CLVS1: variants seen among roughly 807,000 people sequenced by gnomAD.
CLVS1 encodes clavesin-1.
In CLVS1, 10 loss-of-function variants were observed where a neutral mutation model predicts 33.1. The observed-to-expected ratio is 0.30, with a 90% CI of 0.19 to 0.51. The LOEUF is 0.51. CLVS1 is among the 20% of genes least tolerant of loss of function. The pLI is 0.97. For synonymous variants in CLVS1, 163 were observed against 166.1 expected (o/e 0.98, Z 0.14); for missense variants, 343 against 433.4 (o/e 0.79, Z 1.85).
chr8:61,066,000 C>A (rs192377341), intron 1 of CLVS1, among the ~76,000 whole-genome samples: 1 of 152,114 alleles, frequency 6.6e-6, no homozygotes, highest in Admixed American at 6.5e-5. Flanking sequence ...TAACATACAG[C>A]ATGATCACAT....
At chr8:61,018,281 C>A in the CLVS1 span, among the ~76,000 whole-genome samples, 1 of 152,182 alleles carries the variant, frequency 6.6e-6, no homozygotes, top group African/African-American at 2.4e-5. Flanking sequence ...TATTTTCTCT[C>A]CTCCTTACTG....
chr8:61,474,371 T>C (rs1421829025), intron 5 of CLVS1, among the ~76,000 whole-genome samples: 2 of 152,166 alleles, frequency 1.3e-5, no homozygotes, highest in Non-Finnish European at 2.9e-5. Flanking sequence ...TGGGTGGTTA[T>C]GAAGATGCAG....
chr8:61,300,640 AGT>A (rs1810393461), intron 2 of CLVS1: 1 of 177,312 alleles, frequency 5.6e-6, no homozygotes, highest in Admixed American at 5.8e-5. Context: ...CTTAATATCA[AGT>A]ATTTTCAATG....
At chr8:60,994,828 G>T in the CLVS1 span, among the ~76,000 whole-genome samples, 1 of 152,036 alleles carries the variant, frequency 6.6e-6, no homozygotes, top group African/African-American at 2.4e-5. Context: ...TAGATCAATG[G>T]AACAGAACAG....
intron 2 of CLVS1, among the ~76,000 whole-genome samples, chr8:61,236,118 C>A (rs947066342): frequency 6.6e-6 from 1 of 152,120 alleles, no homozygotes; most frequent in African/African-American, 2.4e-5. Flanking sequence ...GATTCTGAGG[C>A]GAGCTTCCTT....
At chr8:61,288,557 G>A (rs556660000) in intron 1 of CLVS1, among the ~76,000 whole-genome samples, 3 of 152,344 alleles carry the variant, frequency 2.0e-5, no homozygotes, top group South Asian at 2.1e-4. Context: ...GCCTGTTTGC[G>A]AGAAAGGGAA....
At chr8:61,256,877 GGCAAGTT>G (rs1342317916) in intron 2 of CLVS1, among the ~76,000 whole-genome samples, 2 of 152,142 alleles carry the variant, frequency 1.3e-5, no homozygotes, top group Non-Finnish European at 2.9e-5. Context: ...GCTTAAAGAA[GGCAAGTT>G]TTAGAATCCA....
the CLVS1 span, among the ~76,000 whole-genome samples, chr8:61,013,861 G>C: frequency 6.6e-6 from 1 of 152,166 alleles, no homozygotes; most frequent in African/African-American, 2.4e-5. Context: ...GCCAAGGTTG[G>C]ACGCAGCCTG....
At chr8:61,454,296 G>T (rs751842751) in intron 4 of CLVS1, 45 bp downstream of exon 4, 1 of 1,409,476 alleles carries the variant, frequency 7.1e-7, no homozygotes, top group South Asian at 1.2e-5. Flanking sequence ...TACAATTTTG[G>T]TGCTTCTATT....
chr8:61,013,567 G>A, the CLVS1 span, among the ~76,000 whole-genome samples: 1 of 152,208 alleles, frequency 6.6e-6, no homozygotes, highest in Non-Finnish European at 1.5e-5. Flanking sequence ...TTTGAGTGGG[G>A]TGAAGCCTTC....
chr8:61,277,421 GC>G (rs1241804727), intron 2 of CLVS1, among the ~76,000 whole-genome samples: 1 of 152,208 alleles, frequency 6.6e-6, no homozygotes, highest in African/African-American at 2.4e-5. Context: ...GGTCAGATGA[GC>G]TTTGTTGTGT....
At chr8:61,367,135 C>T (rs1301284475) in intron 2 of CLVS1, among the ~76,000 whole-genome samples, 1 of 152,112 alleles carries the variant, frequency 6.6e-6, no homozygotes, top group Non-Finnish European at 1.5e-5. Flanking sequence ...TGCATCACTT[C>T]CCTTTAATGG....
At chr8:61,286,646 A>G (rs979904729), upstream of CLVS1, among the ~76,000 whole-genome samples, 1 of 152,258 alleles carries the variant, frequency 6.6e-6, no homozygotes, top group Non-Finnish European at 1.5e-5. Flanking sequence ...AGAATGACTA[A>G]ACAAATAAGT....
At chr8:61,351,779 C>T (rs185590630) in intron 2 of CLVS1, among the ~76,000 whole-genome samples, 35 of 152,092 alleles carry the variant, frequency 2.3e-4, no homozygotes, top group African/African-American at 7.7e-4. Context: ...GGAGGTACAA[C>T]ATTTTTCAAT....
intron 3 of CLVS1, among the ~76,000 whole-genome samples, chr8:61,405,901 A>C (rs2129603774): frequency 6.6e-6 from 1 of 152,276 alleles, no homozygotes; most frequent in Admixed American, 6.5e-5. Context: ...GGATCCCTGC[A>C]GATGGCAGAC....
upstream of CLVS1, among the ~76,000 whole-genome samples, chr8:61,052,931 C>T (rs539178100): frequency 6.6e-6 from 1 of 152,304 alleles, no homozygotes; most frequent in South Asian, 2.1e-4. Context: ...CATTACACGA[C>T]TTGGCCCAGG....
intron 2 of CLVS1, among the ~76,000 whole-genome samples, chr8:61,152,439 C>A (rs1226569615): frequency 6.6e-6 from 1 of 152,170 alleles, no homozygotes; most frequent in Non-Finnish European, 1.5e-5. Flanking sequence ...TCTCATAGTT[C>A]TGGAGGCTGG....
intron 3 of CLVS1, among the ~76,000 whole-genome samples, chr8:61,382,369 G>C: frequency 6.6e-6 from 1 of 152,216 alleles, no homozygotes; most frequent in East Asian, 1.9e-4. Flanking sequence ...TTCTAAACAG[G>C]AGTACAGCAG....
chr8:61,447,954 A>G (rs1247387821), intron 3 of CLVS1, among the ~76,000 whole-genome samples: 1 of 152,032 alleles, frequency 6.6e-6, no homozygotes, highest in Admixed American at 6.6e-5. Flanking sequence ...CTGGCAACAA[A>G]TTTGCTTAGT....
Sources: gnomAD v4.1 joint callset for allele counts (sites outside exome capture counted in the v4.1 genomes callset) on GRCh38, gnomAD v4.1.1 for gene constraint, MANE v1.5 for transcripts, NCBI Gene and HGNC (gene_info 2026-07-23, HGNC 2026-07-21) for gene names.